MYO3B: variants seen among roughly 807,000 people sequenced by gnomAD.
MYO3B encodes the protein myosin IIIB, also known as myosin-IIIb.
MYO3B carries 156 observed loss-of-function variants against 174.6 expected under a neutral mutation model. The ratio of observed to expected loss-of-function variants is 0.89; its 90% CI spans 0.78 to 1.02. The LOEUF (loss-of-function observed/expected upper bound fraction) is 1.02. Among genes scored for constraint, MYO3B ranks in the 50% least tolerant of loss-of-function variants. The pLI, the probability that MYO3B is intolerant of heterozygous loss-of-function variation, is 0.00. For synonymous variants in MYO3B, 563 were observed against 569.1 expected, an observed-to-expected ratio of 0.99 and a Z score of 0.15; for missense variants, 1,632 against 1,639.4, an observed-to-expected ratio of 1.00 and a Z score of 0.08.
rs148961010 is a variant in MYO3B, at chr2:170,598,188, A to G, written c.3734-53440A>G. Among the ~76,000 whole-genome samples, 145 of 152,356 alleles carry G rather than the reference A, an allele frequency of 9.5e-4. 1 individual carries two copies. The highest frequency in any genetic ancestry group is 3.3e-3 in the African/African-American group (136 of 41,590). On this transcript the variant is annotated intron_variant, in intron 32 of 34. Transcript: ENST00000408978. Reference sequence around the variant, plus strand: ...TCCAAAATGAAGACATTAGCAATGAATCACTCTATTGGAGAAAACGCAGTG... The same window carrying G: ...TCCAAAATGAAGACATTAGCAATGAGTCACTCTATTGGAGAAAACGCAGTG...
chr2:170,606,808 G>A (rs959734749), intron 32 of MYO3B, among the ~76,000 whole-genome samples: 1 of 152,152 alleles, frequency 6.6e-6, no homozygotes, highest in African/African-American at 2.4e-5. Flanking sequence ...ATCACCTGAG[G>A]TTGGGAGTTC....
chr2:170,611,032 G>C (rs1695099366), intron 32 of MYO3B, among the ~76,000 whole-genome samples: 2 of 152,196 alleles, frequency 1.3e-5, no homozygotes, highest in South Asian at 4.2e-4. Context: ...GTTCTTTTCG[G>C]GAAGCAAGAT....
intron 16 of MYO3B, among the ~76,000 whole-genome samples, chr2:170,397,431 C>T (rs975579695): frequency 1.3e-5 from 2 of 152,126 alleles, no homozygotes; most frequent in African/African-American, 4.8e-5. Flanking sequence ...TGTGAAAGTA[C>T]TTTTCTCTGT....
chr2:170,561,496 T>C (rs1314433944), intron 32 of MYO3B, among the ~76,000 whole-genome samples: 1 of 152,230 alleles, frequency 6.6e-6, no homozygotes, highest in Non-Finnish European at 1.5e-5. Flanking sequence ...GGGAGGCTAA[T>C]GGAATCCATG....
chr2:170,472,099 G>A (rs760143479), intron 25 of MYO3B, among the ~76,000 whole-genome samples: 2 of 150,710 alleles, frequency 1.3e-5, no homozygotes, highest in Non-Finnish European at 3.0e-5. Flanking sequence ...CTTTTAAAAC[G>A]TTTTTTTTGC....
intron 32 of MYO3B, among the ~76,000 whole-genome samples, chr2:170,590,742 A>G (rs1693770119): frequency 6.6e-6 from 1 of 152,094 alleles, no homozygotes; most frequent in African/African-American, 2.4e-5. Context: ...CTGCAGAGAA[A>G]CCCAAAAGGG....
intron 32 of MYO3B, among the ~76,000 whole-genome samples, chr2:170,566,036 TATA>T (rs1446507866): frequency 6.6e-6 from 1 of 152,212 alleles, no homozygotes; most frequent in African/African-American, 2.4e-5. Context: ...GAGTCTGGAC[TATA>T]ATAATCAGTG....
chr2:170,612,195 T>A (rs1575246749), intron 32 of MYO3B, among the ~76,000 whole-genome samples: 1 of 152,206 alleles, frequency 6.6e-6, no homozygotes, highest in Non-Finnish European at 1.5e-5. Flanking sequence ...CCAGCTCCCA[T>A]GAACCCAAAC....
At chr2:170,263,603 G>T (rs2093361217) in intron 7 of MYO3B, among the ~76,000 whole-genome samples, 1 of 152,058 alleles carries the variant, frequency 6.6e-6, no homozygotes, top group Non-Finnish European at 1.5e-5. Context: ...GCTTTGATGT[G>T]CACATACATA....
intron 8 of MYO3B, among the ~76,000 whole-genome samples, chr2:170,346,753 C>A (rs1158604890): frequency 6.6e-6 from 1 of 152,164 alleles, no homozygotes; most frequent in Non-Finnish European, 1.5e-5. Flanking sequence ...TTCTTGGTAA[C>A]AAGTATCTCT....
At chr2:170,496,460 T>G (rs1341696663) in intron 25 of MYO3B, among the ~76,000 whole-genome samples, 1 of 151,896 alleles carries the variant, frequency 6.6e-6, no homozygotes, top group Non-Finnish European at 1.5e-5. Flanking sequence ...GAAATTAAGT[T>G]TATTTCAAAG....
intron 23 of MYO3B, among the ~76,000 whole-genome samples, chr2:170,454,884 G>A (rs555755674): frequency 6.6e-6 from 1 of 152,282 alleles, no homozygotes; most frequent in South Asian, 2.1e-4. Flanking sequence ...AGTGCATTAG[G>A]AGTTCTGATT....
chr2:170,350,769 A>C (rs950049463), intron 8 of MYO3B: 1 of 152,262 alleles, frequency 6.6e-6, no homozygotes, highest in African/African-American at 2.4e-5. Flanking sequence ...TGATACATAC[A>C]TTAATAGCTT....
intron 9 of MYO3B, among the ~76,000 whole-genome samples, chr2:170,375,669 A>G (rs141559172): frequency 6.6e-6 from 1 of 151,980 alleles, no homozygotes; most frequent in East Asian, 1.9e-4. Context: ...AGTTTTCCCC[A>G]GTAATCCTTG....
intron 32 of MYO3B, among the ~76,000 whole-genome samples, chr2:170,580,130 A>G (rs1046262469): frequency 6.6e-6 from 1 of 152,240 alleles, no homozygotes; most frequent in Non-Finnish European, 1.5e-5. Context: ...CAGCTAATGA[A>G]TATAAGAAAA....
intron 7 of MYO3B, among the ~76,000 whole-genome samples, chr2:170,273,392 C>T (rs2093439407): frequency 6.6e-6 from 1 of 152,134 alleles, no homozygotes; most frequent in Non-Finnish European, 1.5e-5. Flanking sequence ...TCTTGCCTCA[C>T]ACCCCTGGAT....
In MYO3B at chr2:170,369,381, C is replaced by T. The variant is rs751471369; in HGVS notation, c.971+4C>T. 1.2e-6 allele frequency: 2 copies of T among 1,609,326 alleles called. No homozygotes were observed. Among genetic ancestry groups the T allele is most frequent in the African/African-American group, 1.3e-5 (1 of 74,744 alleles). ...AAAATCCTGTTGCTAAAACCAGGTA[C>T]TGTACTCTCTTTCTTCTTTCTCCCT... On this transcript the variant is annotated splice_donor_region_variant and intron_variant, in intron 9 of 34. Coordinates refer to ENST00000408978, the MANE Select transcript of MYO3B (RefSeq NM_138995.5).
chr2:170,376,768 T>A (rs1244703449), intron 9 of MYO3B, among the ~76,000 whole-genome samples: 2 of 152,356 alleles, frequency 1.3e-5, no homozygotes, highest in East Asian at 3.9e-4. Context: ...ACCTTCACAA[T>A]GGTGCTGACA....
intron 6 of MYO3B, among the ~76,000 whole-genome samples, chr2:170,230,957 G>A (rs1682451417): frequency 6.6e-6 from 1 of 152,162 alleles, no homozygotes; most frequent in Non-Finnish European, 1.5e-5. Context: ...CCAGGCTCTG[G>A]GATTTTCTAG....
Sources: gnomAD v4.1 joint callset for allele counts (sites outside exome capture counted in the v4.1 genomes callset) on GRCh38, gnomAD v4.1.1 for gene constraint, MANE v1.5 for transcripts, NCBI Gene and HGNC (gene_info 2026-07-23, HGNC 2026-07-21) for gene names.